LRIF1: variants seen among roughly 807,000 people sequenced by gnomAD.
LRIF1 encodes the protein ligand-dependent nuclear receptor-interacting factor 1.
In LRIF1, 32 loss-of-function variants were observed where a neutral mutation model predicts 52.7. The ratio of observed to expected loss-of-function variants is 0.61; its 90% confidence interval spans 0.46 to 0.82. LRIF1 has a LOEUF of 0.82. Among genes scored for constraint, LRIF1 ranks in the 40% least tolerant of loss-of-function variants. LRIF1 has a pLI of 0.00. For synonymous variants in LRIF1, 323 were observed against 317.4 expected (o/e 1.02, Z -0.19); for missense variants, 887 against 892.0 (o/e 0.99, Z 0.07).
the LRIF1 span, among the ~76,000 whole-genome samples, chr1:110,884,484 T>C: frequency 6.6e-6 from 1 of 152,126 alleles, no homozygotes; most frequent in Non-Finnish European, 1.5e-5. Flanking sequence ...TTAGTTTAAG[T>C]TGACTGATGC....
chr1:110,895,091 G>A, the LRIF1 span: 1 of 1,478,756 alleles, frequency 6.8e-7, no homozygotes, highest in Non-Finnish European at 9.5e-7. Context: ...GATCAGCCCA[G>A]ACTTCATTTT....
rs1451451983 is a variant in LRIF1 at position 110,963,808 on chromosome 1, G to C, written c.-120C>G. 2 of 748,628 alleles carry C rather than the reference G, an allele frequency of 2.7e-6. No individual in the cohort carries two copies. The highest frequency in any genetic ancestry group is 2.8e-5 in the East Asian group (1 of 35,606). The allele number at this position is 748,628 out of a possible 1,614,324, so 46.4% of individuals were successfully genotyped here. A position where few individuals can be genotyped will look rare whatever the true frequency, so the allele number is the denominator to read the frequency against. ...GGCTGGAGTTGCCCACAGCAACTGT[G>C]AGGGGTTCGACCTTAACGGAGGGCG... On this transcript the variant is annotated 5_prime_UTR_variant, in exon 1 of 4. Transcript: ENST00000369763.
chr1:110,951,994 A>C lies in LRIF1; in HGVS notation c.890T>G (p.Leu297Arg), dbSNP rs749162562. Residue 297 changes from leucine (L) to arginine (R), a missense_variant, in exon 2 of 4, where the codon CTA (leucine) becomes CGA (arginine). By Grantham distance (102) the Leu-to-Arg change is moderately radical. Coordinates refer to ENST00000369763, the MANE Select transcript of LRIF1 (RefSeq NM_018372.4). The part of the protein sequence containing the change: ...APVKWIFQDN[L>R]QPFTPSLVPV... ...AACAAGAGATGGCGTAAAAGGCTGT[A>C]GATTATCTTGGAAAATCCATTTCAC... 3.7e-6 allele frequency: 6 copies of C among 1,614,202 alleles called. No homozygotes were observed. The highest frequency in any genetic ancestry group is 5.1e-6 in the Non-Finnish European group (6 of 1,180,008).
the LRIF1 span, among the ~76,000 whole-genome samples, chr1:110,902,008 C>T: frequency 6.6e-6 from 1 of 152,182 alleles, no homozygotes; most frequent in Middle Eastern, 3.2e-3. Context: ...TCTGAGGATT[C>T]ACCCACCAAG....
At chr1:110,928,214 AT>A in the LRIF1 span, among the ~76,000 whole-genome samples, 1 of 152,122 alleles carries the variant, frequency 6.6e-6, no homozygotes, top group Non-Finnish European at 1.5e-5. Flanking sequence ...CTATCCAGTA[AT>A]TTGCCCCCTT....
the LRIF1 span, chr1:110,941,398 T>A: frequency 6.6e-6 from 1 of 152,068 alleles, no homozygotes; most frequent in African/African-American, 2.4e-5. Flanking sequence ...TAAGTCTTTC[T>A]CCAACAGTGA....
the LRIF1 span, among the ~76,000 whole-genome samples, chr1:110,885,347 G>A: frequency 1.3e-5 from 2 of 151,886 alleles, no homozygotes. Context: ...TCAGGAGATC[G>A]AGACCACGGG....
chr1:110,894,807 C>T, the LRIF1 span, among the ~76,000 whole-genome samples: 2 of 152,126 alleles, frequency 1.3e-5, no homozygotes, highest in African/African-American at 4.8e-5. Context: ...GCCTGTATGC[C>T]CATAGATAAA....
At chr1:110,875,677 C>A in the LRIF1 span, among the ~76,000 whole-genome samples, 2 of 152,220 alleles carry the variant, frequency 1.3e-5, no homozygotes, top group African/African-American at 4.8e-5. Flanking sequence ...GACCCATCTG[C>A]CACTGCAGGT....
chr1:110,952,441 T>G lies in LRIF1; in HGVS notation c.443A>C (p.Gln148Pro), dbSNP rs1321237942. Residue 148 changes from glutamine (Q) to proline (P), a missense_variant, in exon 2 of 4, where the codon CAA (glutamine) becomes CCA (proline). Transcript: ENST00000369763. ...TGTTGAGGGAGGAACAGCAAATGTTTGCATGGTGAGTCCATCAATTTTCAC... is the reference window on the plus strand; with the variant it reads ...TGTTGAGGGAGGAACAGCAAATGTTGGCATGGTGAGTCCATCAATTTTCAC... ...HGVKIDGLTM[Q>P]TFAVPPSTQK... is the part of the protein sequence containing the mutation. 2.5e-6 allele frequency: 4 copies of G among 1,611,638 alleles called. No individual in the cohort carries two copies. In the South Asian group the frequency reaches 4.4e-5, roughly 18 times the overall value.
chr1:110,888,214 C>T, the LRIF1 span, among the ~76,000 whole-genome samples: 3 of 152,166 alleles, frequency 2.0e-5, no homozygotes, highest in South Asian at 2.1e-4. Flanking sequence ...AATAAATTTG[C>T]GTTGCTAAGG....
chr1:110,902,517 A>AAAAG, the LRIF1 span, among the ~76,000 whole-genome samples: 1,787 of 103,886 alleles, frequency 0.017, 153 homozygotes, highest in Middle Eastern at 0.043. Context: ...AAAAAAAAAA[A>AAAAG]AAAGAAATAC....
the LRIF1 span, among the ~76,000 whole-genome samples, chr1:110,902,495 T>TAAAAAAAAAAAAAAAAAAAAACAAAA: frequency 1.4e-5 from 1 of 72,664 alleles, no homozygotes; most frequent in Admixed American, 1.3e-4. Flanking sequence ...AATCAATCAC[T>TAAAAAAAAAAAAAAAAAAAAACAAAA]AAAAAAAAAA....
chr1:110,911,365 C>T, the LRIF1 span, among the ~76,000 whole-genome samples: 1 of 151,528 alleles, frequency 6.6e-6, no homozygotes, highest in Non-Finnish European at 1.5e-5. Context: ...TTTTAAAATC[C>T]CTATCAACCA....
intron 3 of LRIF1, 58 bp from the exon 4 acceptor site, chr1:110,948,457 G>A (rs1658307009): frequency 6.6e-7 from 1 of 1,516,070 alleles, no homozygotes; most frequent in Non-Finnish European, 8.8e-7. Flanking sequence ...AAATGCACCG[G>A]GTACTACCAA....
the LRIF1 span, among the ~76,000 whole-genome samples, chr1:110,882,758 T>C: frequency 6.6e-6 from 1 of 152,022 alleles, no homozygotes; most frequent in Non-Finnish European, 1.5e-5. Context: ...TGTTTTTAAG[T>C]TTTCAGTGTA....
the LRIF1 span, among the ~76,000 whole-genome samples, chr1:110,884,591 A>G: frequency 7.9e-5 from 12 of 152,202 alleles, no homozygotes; most frequent in African/African-American, 2.9e-4. Context: ...ACTTGTCTAT[A>G]TCTTCTTTCA....
chr1:110,889,975 T>C, the LRIF1 span, among the ~76,000 whole-genome samples: 1 of 151,982 alleles, frequency 6.6e-6, no homozygotes, highest in Non-Finnish European at 1.5e-5. Context: ...GAAAAGGATA[T>C]GAGATAGATA....
chr1:110,934,357 T>A, the LRIF1 span, among the ~76,000 whole-genome samples: 2 of 152,192 alleles, frequency 1.3e-5, no homozygotes, highest in African/African-American at 4.8e-5. Context: ...GGTACCAGCA[T>A]GGCAACAGGC....
Sources: gnomAD v4.1 joint callset for allele counts (sites outside exome capture counted in the v4.1 genomes callset) on GRCh38, gnomAD v4.1.1 for gene constraint, MANE v1.5 for transcripts, NCBI Gene and HGNC (gene_info 2026-07-23, HGNC 2026-07-21) for gene names.